Variants in ENTREP2 observed in about 807,000 individuals in gnomAD.
ENTREP2 encodes the protein protein ENTREP2.
chr15:29,476,898 C>A, the ENTREP2 span, among the ~76,000 whole-genome samples: 19 of 152,194 alleles, frequency 1.2e-4, no homozygotes, highest in African/African-American at 4.6e-4. Context: ...ACTCCGTGCC[C>A]CAGCAATTCC....
chr15:29,512,508 G>A, the ENTREP2 span, among the ~76,000 whole-genome samples: 4 of 152,188 alleles, frequency 2.6e-5, no homozygotes, highest in Admixed American at 2.6e-4. Flanking sequence ...TAACCCCAAT[G>A]GGATGGTATT....
chr15:29,451,908 T>A, the ENTREP2 span, among the ~76,000 whole-genome samples: 1 of 152,240 alleles, frequency 6.6e-6, no homozygotes, highest in Non-Finnish European at 1.5e-5. Context: ...CAGTAGATAT[T>A]TATTGTATTT....
the ENTREP2 span, among the ~76,000 whole-genome samples, chr15:29,605,331 C>A: frequency 2.6e-5 from 4 of 152,176 alleles, no homozygotes; most frequent in Non-Finnish European, 5.9e-5. Context: ...ATTGGCCTCC[C>A]ACCCTCTGAA....
At chr15:29,327,904 C>T in the ENTREP2 span, among the ~76,000 whole-genome samples, 10 of 152,104 alleles carry the variant, frequency 6.6e-5, no homozygotes, top group Non-Finnish European at 1.0e-4. Flanking sequence ...TCTTACAAAA[C>T]GAGACATAGT....
At chr15:29,141,878 C>T in the ENTREP2 span, among the ~76,000 whole-genome samples, 1 of 152,358 alleles carries the variant, frequency 6.6e-6, no homozygotes, top group African/African-American at 2.4e-5. Flanking sequence ...CCTGCCGCCA[C>T]CCCCAGGTAG....
At chr15:29,500,445 G>A in the ENTREP2 span, among the ~76,000 whole-genome samples, 2 of 151,926 alleles carry the variant, frequency 1.3e-5, no homozygotes, top group African/African-American at 4.8e-5. Context: ...AAGGAAAACT[G>A]GAAATTCACA....
chr15:29,542,600 G>A, the ENTREP2 span, among the ~76,000 whole-genome samples: 9 of 152,264 alleles, frequency 5.9e-5, no homozygotes, highest in South Asian at 2.1e-4. Context: ...CACGGCGCCC[G>A]GCCCTCCTTA....
chr15:29,571,227 A>T, the ENTREP2 span, among the ~76,000 whole-genome samples: 1 of 151,966 alleles, frequency 6.6e-6, no homozygotes, highest in Non-Finnish European at 1.5e-5. Context: ...AGGTCTGCGG[A>T]AGGAGAGCGG....
chr15:29,342,632 C>T, the ENTREP2 span, among the ~76,000 whole-genome samples: 2 of 152,170 alleles, frequency 1.3e-5, no homozygotes, highest in Non-Finnish European at 2.9e-5. Context: ...TTCACCCCAG[C>T]CTCAGTGAAA....
chr15:29,496,603 T>C, the ENTREP2 span, among the ~76,000 whole-genome samples: 1 of 152,074 alleles, frequency 6.6e-6, no homozygotes, highest in African/African-American at 2.4e-5. Flanking sequence ...ATACCTAAAT[T>C]TGTTTAGAGT....
the ENTREP2 span, among the ~76,000 whole-genome samples, chr15:29,323,597 A>C: frequency 8.0e-4 from 122 of 152,254 alleles, 1 homozygote; most frequent in Middle Eastern, 0.014. Context: ...CCCCAAATGA[A>C]AGCTGATTGG....
At chr15:29,229,799 C>T in the ENTREP2 span, among the ~76,000 whole-genome samples, 1 of 152,140 alleles carries the variant, frequency 6.6e-6, no homozygotes, top group Non-Finnish European at 1.5e-5. Flanking sequence ...ATTTTATCCT[C>T]TTTTTCTAGA....
chr15:29,576,597 T>C, the ENTREP2 span, among the ~76,000 whole-genome samples: 1 of 152,232 alleles, frequency 6.6e-6, no homozygotes, highest in Non-Finnish European at 1.5e-5. Context: ...ATATGCCATG[T>C]ATTCAGATTA....
At chr15:29,634,279 A>G in the ENTREP2 span, among the ~76,000 whole-genome samples, 7,239 of 152,102 alleles carry the variant, frequency 0.048, 187 homozygotes, top group Middle Eastern at 0.071. Context: ...AAGGGTAAGA[A>G]CTGTCACCCT....
the ENTREP2 span, among the ~76,000 whole-genome samples, chr15:29,278,339 T>C: frequency 0.034 from 5,128 of 152,312 alleles, 210 homozygotes; most frequent in African/African-American, 0.094. Flanking sequence ...AAGCAAGGAC[T>C]GTGTGGTACT....
the ENTREP2 span, among the ~76,000 whole-genome samples, chr15:29,183,240 A>G: frequency 6.6e-6 from 1 of 152,226 alleles, no homozygotes; most frequent in Non-Finnish European, 1.5e-5. Flanking sequence ...CAAATAACTC[A>G]GCAGGAAAAG....
the ENTREP2 span, among the ~76,000 whole-genome samples, chr15:29,139,925 G>T: frequency 1.3e-5 from 2 of 152,192 alleles, no homozygotes; most frequent in Non-Finnish European, 2.9e-5. Context: ...GCTGGGGCTG[G>T]AGGTCTGCAG....
chr15:29,234,098 T>C, the ENTREP2 span: 1 of 1,499,772 alleles, frequency 6.7e-7, no homozygotes, highest in African/African-American at 1.4e-5. Flanking sequence ...TGATAACATA[T>C]CAGACATTCT....
chr15:29,459,496 C>A, the ENTREP2 span, among the ~76,000 whole-genome samples: 3 of 152,188 alleles, frequency 2.0e-5, no homozygotes, highest in African/African-American at 7.2e-5. Context: ...CCTCAATTCT[C>A]CAGTCTTCAC....
Sources: allele counts gnomAD v4.1 joint callset (sites outside exome capture counted in the v4.1 genomes callset), GRCh38; gene constraint gnomAD v4.1.1; transcripts MANE v1.5; gene names NCBI Gene and HGNC (gene_info 2026-07-23, HGNC 2026-07-21).